The following CLSTN2 variants were observed in gnomAD, a reference collection of about 807,000 sequenced individuals.
The protein encoded by CLSTN2 is calsyntenin-2.
CLSTN2 carries 48 observed loss-of-function variants against 101.2 expected under a neutral mutation model. The observed-to-expected ratio is 0.47, with a 90% confidence interval of 0.38 to 0.60. CLSTN2 has a LOEUF of 0.60. Ranked by LOEUF, CLSTN2 falls within the 20% of genes least tolerant of loss-of-function variation. The pLI, the probability that CLSTN2 is intolerant of heterozygous loss-of-function variation, is 0.00. For synonymous variants in CLSTN2, 481 were observed against 463.6 expected, an observed-to-expected ratio of 1.04 and a Z score of -0.48; for missense variants, 1,160 against 1,238.2, an observed-to-expected ratio of 0.94 and a Z score of 0.95.
intron 2 of CLSTN2, among the ~76,000 whole-genome samples, chr3:140,225,625 G>A (rs2107855956): frequency 6.6e-6 from 1 of 152,248 alleles, no homozygotes; most frequent in African/African-American, 2.4e-5. Context: ...AGCCTCCAGA[G>A]TAGCTGGGAC....
intron 1 of CLSTN2, among the ~76,000 whole-genome samples, chr3:140,069,743 C>T (rs1326856319): frequency 6.6e-6 from 1 of 152,176 alleles, no homozygotes; most frequent in African/African-American, 2.4e-5. Context: ...AGTCTGTGTC[C>T]TTCCTCCATC....
chr3:140,157,794 A>T lies in CLSTN2; in HGVS notation c.110-18157A>T, dbSNP rs192764190. Among the ~76,000 whole-genome samples, 12 of 152,294 alleles carry T rather than the reference A, an allele frequency of 7.9e-5. No homozygotes were observed. The East Asian group carries it at 2.3e-3, about 29-fold the overall frequency. On this transcript the variant is annotated intron_variant, in intron 1 of 16. Coordinates refer to ENST00000458420, the MANE Select transcript of CLSTN2 (RefSeq NM_022131.3). The stretch of plus-strand genomic sequence containing the variant: ...ACTTGCTTTGGGGTTAATCCAGTAG[A>T]ACATAAAAGCTAATACACCATGATC...
At chr3:139,942,987 C>CT (rs1384468194) in intron 1 of CLSTN2, among the ~76,000 whole-genome samples, 5 of 152,146 alleles carry the variant, frequency 3.3e-5, no homozygotes, top group Non-Finnish European at 7.3e-5. Flanking sequence ...CTGATCAATA[C>CT]TTTTTTTCCC....
chr3:139,951,563 A>G (rs73867239), intron 1 of CLSTN2, among the ~76,000 whole-genome samples: 7,675 of 152,278 alleles, frequency 0.05, 608 homozygotes, highest in African/African-American at 0.17. Flanking sequence ...TACCTGACAC[A>G]GAAGCACTGT....
intron 1 of CLSTN2, among the ~76,000 whole-genome samples, chr3:140,168,923 G>A (rs1481431776): frequency 6.6e-6 from 1 of 152,060 alleles, no homozygotes; most frequent in Admixed American, 6.6e-5. Context: ...AAATTAGGTA[G>A]TATAAGTCCT....
chr3:140,542,278 A>G (rs1199489107), intron 9 of CLSTN2, among the ~76,000 whole-genome samples: 1 of 152,226 alleles, frequency 6.6e-6, no homozygotes, highest in Non-Finnish European at 1.5e-5. Context: ...TCTCAAATCC[A>G]TGTAAGCTCC....
chr3:140,329,554 A>T (rs1478750109), intron 2 of CLSTN2, among the ~76,000 whole-genome samples: 2 of 152,170 alleles, frequency 1.3e-5, no homozygotes, highest in East Asian at 1.9e-4. Context: ...TAGTGAAAGG[A>T]TTGAGATATG....
intron 1 of CLSTN2, among the ~76,000 whole-genome samples, chr3:140,133,323 C>T (rs1430100681): frequency 6.6e-6 from 1 of 152,200 alleles, no homozygotes; most frequent in African/African-American, 2.4e-5. Context: ...CCACCTCCAA[C>T]ATTGGGGATC....
At chr3:140,356,881 C>T (rs1346546765) in intron 2 of CLSTN2, among the ~76,000 whole-genome samples, 1 of 152,052 alleles carries the variant, frequency 6.6e-6, no homozygotes, top group Non-Finnish European at 1.5e-5. Context: ...GCACTGGGTA[C>T]CAGTTACTCT....
intron 1 of CLSTN2, among the ~76,000 whole-genome samples, chr3:140,003,674 T>C (rs2006894111): frequency 6.6e-6 from 1 of 152,216 alleles, no homozygotes; most frequent in Non-Finnish European, 1.5e-5. Flanking sequence ...CTGTCATATA[T>C]GCCTTTTATT....
intron 8 of CLSTN2, among the ~76,000 whole-genome samples, chr3:140,484,034 G>T (rs967684882): frequency 2.0e-5 from 3 of 152,144 alleles, no homozygotes; most frequent in African/African-American, 7.2e-5. Flanking sequence ...TTGCTCGTTA[G>T]TTGATGCATT....
At chr3:140,475,809 G>A (rs940231626) in intron 8 of CLSTN2, among the ~76,000 whole-genome samples, 4 of 152,224 alleles carry the variant, frequency 2.6e-5, no homozygotes, top group Non-Finnish European at 4.4e-5. Context: ...GGCAATGAAT[G>A]CATGTTTTCA....
At chr3:140,559,560 A>AGGGG (rs1299690699) in intron 12 of CLSTN2, among the ~76,000 whole-genome samples, 2 of 135,572 alleles carry the variant, frequency 1.5e-5, no homozygotes, top group African/African-American at 2.8e-5. Context: ...GGCGGGGGTC[A>AGGGG]GGGGGGCGGG....
chr3:140,179,058 A>G (rs1225326588), intron 2 of CLSTN2, among the ~76,000 whole-genome samples: 1 of 152,168 alleles, frequency 6.6e-6, no homozygotes, highest in Non-Finnish European at 1.5e-5. Context: ...AGAATCATAC[A>G]TGATCTCACG....
intron 1 of CLSTN2, among the ~76,000 whole-genome samples, chr3:139,980,097 C>T (rs1935889439): frequency 6.6e-6 from 1 of 152,110 alleles, no homozygotes; most frequent in African/African-American, 2.4e-5. Flanking sequence ...TCATCTCTCA[C>T]CTGAATGACT....
intron 1 of CLSTN2, among the ~76,000 whole-genome samples, chr3:140,039,040 T>A (rs566828621): frequency 6.6e-6 from 1 of 152,202 alleles, no homozygotes; most frequent in Non-Finnish European, 1.5e-5. Context: ...TTTCTACTCA[T>A]TGCCTTTCTT....
chr3:140,191,245 C>T (rs1329541011), intron 2 of CLSTN2, among the ~76,000 whole-genome samples: 1 of 151,950 alleles, frequency 6.6e-6, no homozygotes, highest in Non-Finnish European at 1.5e-5. Flanking sequence ...ATCAACCTCA[C>T]ATCCTTAGAC....
intron 2 of CLSTN2, among the ~76,000 whole-genome samples, chr3:140,293,693 C>T (rs1031010972): frequency 3.3e-5 from 5 of 152,054 alleles, no homozygotes; most frequent in African/African-American, 1.2e-4. Flanking sequence ...ACGTTGATAC[C>T]ATTTACTACG....
intron 8 of CLSTN2, among the ~76,000 whole-genome samples, chr3:140,499,847 G>A (rs552010656): frequency 3.3e-5 from 5 of 152,250 alleles, no homozygotes; most frequent in South Asian, 4.1e-4. Flanking sequence ...GGCGGATCAC[G>A]ATGTCAGGAG....
Sources: gnomAD v4.1 joint callset for allele counts (sites outside exome capture counted in the v4.1 genomes callset) on GRCh38, gnomAD v4.1.1 for gene constraint, MANE v1.5 for transcripts, NCBI Gene and HGNC (gene_info 2026-07-23, HGNC 2026-07-21) for gene names.